TBX1: variants seen among roughly 807,000 people sequenced by gnomAD.
TBX1 encodes T-box transcription factor 1.
In TBX1, 16 loss-of-function variants were observed where a neutral mutation model predicts 40.8. The ratio of observed to expected loss-of-function variants is 0.39; its 90% CI spans 0.27 to 0.60. The LOEUF (loss-of-function observed/expected upper bound fraction) is 0.60, where lower values mean the gene tolerates loss of function less well. TBX1 is among the 20% of genes least tolerant of loss of function. TBX1 has a pLI of 0.51. For synonymous variants in TBX1, 403 were observed against 336.8 expected (o/e 1.20, Z -2.15); for missense variants, 755 against 728.5 (o/e 1.04, Z -0.42).
chr22:19,766,412 T>G lies in TBX1; in HGVS notation c.1060T>G (p.Phe354Val). The change falls in exon 7 of 7, where the codon TTC becomes GTC. Residue 354 changes from phenylalanine to valine, a missense_variant. Phe to Val is a conservative substitution (Grantham distance 50). Transcript: ENST00000649276. ...AGACGCGGCTGAGGCCCGGCGAGAATTCCAGCGCGACGCGGGCGGGCCAGC... is the reference window on the plus strand; with the variant it reads ...AGACGCGGCTGAGGCCCGGCGAGAAGTCCAGCGCGACGCGGGCGGGCCAGC... ...EKDAAEARRE[F>V]QRDAGGPAVL... 1 of 1,342,316 alleles carries G rather than the reference T, an allele frequency of 7.4e-7. No homozygotes were observed. Among genetic ancestry groups the G allele is most frequent in the Middle Eastern group, 2.8e-4 (1 of 3,598 alleles). 83.2% of individuals were successfully genotyped at this position (1,342,316 alleles called of 1,614,324 possible). A position where few individuals can be genotyped will look rare whatever the true frequency, so the allele number is the denominator to read the frequency against.
At position 19,766,548 on chromosome 22, in the gene TBX1, G is replaced by C. The variant is rs1274082696; in HGVS notation, c.1196G>C (p.Gly399Ala). 13 of 1,362,868 alleles carry C rather than the reference G, an allele frequency of 9.5e-6. No individual in the cohort carries two copies. The highest frequency in any genetic ancestry group is 1.2e-5 in the Non-Finnish European group (13 of 1,061,306). 84.4% of individuals were successfully genotyped at this position (1,362,868 alleles called of 1,614,324 possible). A position where few individuals can be genotyped will look rare whatever the true frequency, so the allele number is the denominator to read the frequency against. Residue 399 changes from glycine (G) to alanine (A), a missense_variant, in exon 7 of 7, where the codon GGA becomes GCA. Transcript: ENST00000649276. ...GGLVPLPGAP[G>A]GRPSPPNPEL... Reference sequence around the variant, plus strand: ...TTAGTCCCGCTGCCCGGCGCGCCCGGAGGCCGGCCCAGTCCCCCGAACCCC... The same window carrying C: ...TTAGTCCCGCTGCCCGGCGCGCCCGCAGGCCGGCCCAGTCCCCCGAACCCC...
intron 8 of TBX1, among the ~76,000 whole-genome samples, chr22:19,777,423 G>A (rs943203349): frequency 6.6e-6 from 1 of 152,198 alleles, no homozygotes; most frequent in South Asian, 2.1e-4. Flanking sequence ...GTATTCCATG[G>A]TGTATATGTG....
At chr22:19,766,051 C>T (rs1028497136) in intron 6 of TBX1, 49 bp downstream of exon 6, 4 of 1,397,642 alleles carry the variant, frequency 2.9e-6, no homozygotes, top group Admixed American at 2.9e-5. Context: ...GCGCGCTCTA[C>T]CCCGGGCCGG....
chr22:19,774,302 A>G (rs1360196927), intron 8 of TBX1, among the ~76,000 whole-genome samples: 1 of 152,178 alleles, frequency 6.6e-6, no homozygotes, highest in Non-Finnish European at 1.5e-5. Context: ...AGTCCCAGCT[A>G]CTCAGGAGGC....
chr22:19,766,965 C>A lies in TBX1; in HGVS notation c.*98C>A. On this transcript the variant is annotated 3_prime_UTR_variant, in exon 7 of 7. Transcript: ENST00000649276. ...AAGGGCAAGCAAGGAATACGTTCCC[C>A]CAGCCCCAGGGGCCACCGCGGCTCT... 6.7e-7 allele frequency: 1 copy of A among 1,498,920 alleles called. No homozygotes were observed. Among genetic ancestry groups the A allele is most frequent in the South Asian group, 1.3e-5 (1 of 79,732 alleles). The allele number at this position is 1,498,920 out of a possible 1,614,324, so 92.9% of individuals were successfully genotyped here.
intron 8 of TBX1, among the ~76,000 whole-genome samples, chr22:19,772,922 A>G (rs540718579): frequency 2.0e-5 from 3 of 152,140 alleles, no homozygotes; most frequent in Admixed American, 6.5e-5. Context: ...AAGGGACAGA[A>G]TCGGGGTCAC....
chr22:19,775,260 A>AT (rs766700083), intron 8 of TBX1, among the ~76,000 whole-genome samples: 1 of 150,838 alleles, frequency 6.6e-6, no homozygotes, highest in Non-Finnish European at 1.5e-5. Flanking sequence ...CACCCAGCTA[A>AT]TTTTTTCTAT....
In TBX1 at chr22:19,766,754, G is replaced by C. The variant is rs764197422; in HGVS notation, c.1402G>C (p.Val468Leu). 8.8e-5 allele frequency: 134 copies of C among 1,527,888 alleles called. 1 individual carries two copies. The highest frequency in any genetic ancestry group is 3.9e-4 in the Middle Eastern group (2 of 5,072). 94.6% of individuals were successfully genotyped at this position (1,527,888 alleles called of 1,614,324 possible). ...GCATCCGCACCACCACCACCACCCC[G>C]TGAGTCCAGCCGCCGCGGCCGCCGC... ...HAHPHHHHHPVSPAAAAAAAA... is the reference protein window; with the variant it reads ...HAHPHHHHHPLSPAAAAAAAA... The change falls in exon 7 of 7, where the codon GTG (valine) becomes CTG (leucine). Residue 468 changes from valine (V) to leucine (L), a missense_variant. Transcript: ENST00000649276.
intron 8 of TBX1, among the ~76,000 whole-genome samples, chr22:19,777,495 A>G (rs1035754656): frequency 3.3e-5 from 5 of 152,070 alleles, no homozygotes; most frequent in African/African-American, 1.2e-4. Flanking sequence ...AGTCTTTGCT[A>G]TTGTGAATAG....
chr22:19,775,512 G>A (rs1569029801), intron 8 of TBX1, among the ~76,000 whole-genome samples: 1 of 152,234 alleles, frequency 6.6e-6, no homozygotes, highest in Non-Finnish European at 1.5e-5. Flanking sequence ...CTCTAAAGCG[G>A]TGGTTTTTTA....
At chr22:19,782,662 C>T (rs894514263), downstream of TBX1, among the ~76,000 whole-genome samples, 3 of 152,108 alleles carry the variant, frequency 2.0e-5, no homozygotes, top group Admixed American at 1.3e-4. Flanking sequence ...CAGGGTGGTC[C>T]TGGGCAGGCT....
chr22:19,766,371 C>T lies in TBX1; in HGVS notation c.1037-18C>T, dbSNP rs1464749962. 6.4e-5 allele frequency: 84 copies of T among 1,305,540 alleles called. 1 individual carries two copies. In the East Asian group the frequency reaches 2.6e-3, roughly 40 times the overall value. 80.9% of individuals were successfully genotyped at this position (1,305,540 alleles called of 1,614,324 possible). ...GCGGCCCCGGCCGGCCGCGCTCACT[C>T]CTCGGCCCTCTCCGCAGACGCGGCT... is the stretch of plus-strand genomic sequence containing the variant. On this transcript the variant is annotated intron_variant, in intron 6 of 6. Transcript: ENST00000649276.
chr22:19,770,957 C>T (rs1445395611), downstream of TBX1, among the ~76,000 whole-genome samples: 1 of 152,164 alleles, frequency 6.6e-6, no homozygotes, highest in Non-Finnish European at 1.5e-5. Flanking sequence ...GTTCCAGAGA[C>T]TCAGTTTTCC....
downstream of TBX1, among the ~76,000 whole-genome samples, chr22:19,768,466 A>G (rs1249732756): frequency 6.6e-6 from 1 of 152,242 alleles, no homozygotes; most frequent in Non-Finnish European, 1.5e-5. Flanking sequence ...CTCAAAGGGC[A>G]TCTAGCACCA....
intron 6 of TBX1, 42 bp downstream of exon 6, chr22:19,766,044 C>T: frequency 1.4e-6 from 2 of 1,432,052 alleles, no homozygotes; most frequent in Non-Finnish European, 1.8e-6. Flanking sequence ...GCCCTGTGCG[C>T]GCTCTACCCC....
chr22:19,759,402 C>T (rs1050237778), upstream of TBX1: 7 of 838,948 alleles, frequency 8.3e-6, no homozygotes, highest in African/African-American at 3.7e-5. Context: ...CACAGGCCCC[C>T]GCCCCCGGAC....
chr22:19,758,879 T>C (rs1345132234), upstream of TBX1, among the ~76,000 whole-genome samples: 2 of 152,180 alleles, frequency 1.3e-5, no homozygotes, highest in Non-Finnish European at 2.9e-5. Flanking sequence ...CTGTTGGGCA[T>C]TTACTGGGCT....
chr22:19,766,795 T>TGCCGCGGCC lies in TBX1; in HGVS notation c.1447_1455dup (p.Ala483_Ala485dup), dbSNP rs1936873648. ...CGGCCGCCGCCGCCGCTGCCGCAGC[T>TGCCGCGGCC]GCCGCGGCCGCCAACATGTACTCGT... On this transcript the variant is annotated inframe_insertion, in exon 7 of 7. Transcript: ENST00000649276. 2.0e-6 allele frequency: 3 copies of TGCCGCGGCC among 1,510,796 alleles called. No homozygotes were observed. Among genetic ancestry groups the TGCCGCGGCC allele is most frequent in the South Asian group, 1.2e-5 (1 of 80,214 alleles). The allele number at this position is 1,510,796 out of a possible 1,614,324, so 93.6% of individuals were successfully genotyped here.
chr22:19,759,701 A>G (rs1157642780), upstream of TBX1: 1 of 1,611,160 alleles, frequency 6.2e-7, no homozygotes, highest in South Asian at 1.1e-5. Flanking sequence ...CCGTGTCTAC[A>G]CTGGCCCGCC....
Sources: gnomAD v4.1 joint callset for allele counts (sites outside exome capture counted in the v4.1 genomes callset) on GRCh38, gnomAD v4.1.1 for gene constraint, MANE v1.5 for transcripts, NCBI Gene and HGNC (gene_info 2026-07-23, HGNC 2026-07-21) for gene names.